The following PPP2R1B variants were observed in gnomAD, a reference collection of about 807,000 sequenced individuals.
The protein encoded by PPP2R1B is protein phosphatase 2 scaffold subunit Abeta, also known as serine/threonine-protein phosphatase 2A 65 kDa regulatory subunit A beta isoform.
In PPP2R1B, 58 loss-of-function variants were observed where a neutral mutation model predicts 72.7. The observed-to-expected ratio is 0.80, with a 90% CI of 0.65 to 0.99. The LOEUF (loss-of-function observed/expected upper bound fraction) is 0.99. PPP2R1B is among the 50% of genes least tolerant of loss of function. The pLI is 0.00. For missense variants in PPP2R1B, 695 were observed against 733.6 expected (o/e 0.95, Z 0.61); for synonymous variants, 256 against 264.6 (o/e 0.97, Z 0.32).
Position 111,753,546 on chromosome 11 carries a change from T to C in PPP2R1B, c.1061A>G (p.Lys354Arg), listed in dbSNP as rs115165302. 2,182 of 1,612,342 alleles carry C rather than the reference T, an allele frequency of 1.4e-3. 2 individuals carry two copies. The highest frequency in any genetic ancestry group is 1.6e-3 in the Non-Finnish European group (1,881 of 1,179,162). The change falls in exon 9 of 15, where the codon AAA (lysine) becomes AGA (arginine). Residue 354 changes from lysine (K) to arginine (R), a missense_variant. Lys to Arg is a conservative substitution (Grantham distance 26). Coordinates refer to ENST00000527614, the MANE Select transcript of PPP2R1B (RefSeq NM_002716.5). ...CATAATTACAGAAGCTAGAGCCGAT[T>C]TGACATGTTGATTGGTATCGGATAC... ...ELVSDTNQHV[K>R]SALASVIMGL...
chr11:111,711,448 G>A, the PPP2R1B span, among the ~76,000 whole-genome samples: 26 of 152,334 alleles, frequency 1.7e-4, no homozygotes, highest in African/African-American at 6.3e-4. Flanking sequence ...AGAAGCATTT[G>A]TAATGCTTGT....
At chr11:111,723,542 G>A (rs779289996), downstream of PPP2R1B, 7 of 1,613,948 alleles carry the variant, frequency 4.3e-6, no homozygotes, top group Non-Finnish European at 5.9e-6. Flanking sequence ...TCAACTGCAG[G>A]CCTATTTTAA....
the PPP2R1B span, chr11:111,704,924 A>G: frequency 6.7e-7 from 1 of 1,484,614 alleles, no homozygotes; most frequent in Non-Finnish European, 9.0e-7. Context: ...TTTTTTAGGC[A>G]TGTGTAGATC....
chr11:111,710,389 GCTA>G, the PPP2R1B span, among the ~76,000 whole-genome samples: 4 of 152,068 alleles, frequency 2.6e-5, no homozygotes, highest in African/African-American at 9.7e-5. Flanking sequence ...CTTTGCTAAT[GCTA>G]CTTTATCTTA....
At chr11:111,727,024 C>G (rs1213373873) in exon 16 of PPP2R1B, 2 of 1,614,130 alleles carry the variant, frequency 1.2e-6, no homozygotes, top group South Asian at 2.2e-5. Flanking sequence ...GCAAGTGTGT[C>G]TCTAGTATCT....
rs934183644 is a variant in PPP2R1B at position 111,737,917 on chromosome 11, C to A, written c.*3679G>T. ...CAGTTTAAGAGAACAACTCTGGAGA[C>A]AGAAATGGCTTGGCTTTCCGACGCA... is the stretch of plus-strand genomic sequence containing the variant. On this transcript the variant is annotated 3_prime_UTR_variant, in exon 15 of 15. Transcript: ENST00000527614. 24 of 1,054,130 alleles carry A rather than the reference C, an allele frequency of 2.3e-5. No individual in the cohort carries two copies. In the African/African-American group the frequency reaches 4.0e-4, roughly 17 times the overall value. 65.3% of individuals were successfully genotyped at this position (1,054,130 alleles called of 1,614,324 possible).
chr11:111,721,051 A>G, the PPP2R1B span: 6 of 1,613,326 alleles, frequency 3.7e-6, no homozygotes, highest in Admixed American at 1.0e-4. Flanking sequence ...CCTTGCTAGC[A>G]GCTGCCCTCA....
the PPP2R1B span, among the ~76,000 whole-genome samples, chr11:111,702,676 G>A: frequency 0.032 from 4,816 of 152,284 alleles, 243 homozygotes; most frequent in African/African-American, 0.11. Flanking sequence ...CATCATGTCA[G>A]CTCAGAGAAT....
the PPP2R1B span, chr11:111,719,720 AT>A: frequency 1.3e-6 from 2 of 1,539,672 alleles, no homozygotes; most frequent in Non-Finnish European, 8.8e-7. Flanking sequence ...TCCTTTGTGG[AT>A]TTTTCTGTCT....
the PPP2R1B span, among the ~76,000 whole-genome samples, chr11:111,717,664 TC>T: frequency 6.6e-6 from 1 of 152,246 alleles, no homozygotes; most frequent in East Asian, 1.9e-4. Context: ...GCAGCTCTAT[TC>T]ACAACAGCAA....
chr11:111,748,112 A>G, intron 10 of PPP2R1B, 98 bp from the exon 11 acceptor site: 4 of 1,058,022 alleles, frequency 3.8e-6, no homozygotes, highest in Non-Finnish European at 5.5e-6. Flanking sequence ...GGCTAAAAAA[A>G]CTTGTTTCCA....
Position 111,738,625 on chromosome 11 carries a change from C to T in PPP2R1B, c.*2971G>A. The T allele has an allele frequency of 1.0e-6, 1 of 985,444 alleles. No individual in the cohort carries two copies. Among genetic ancestry groups the T allele is most frequent in the Non-Finnish European group, 1.2e-6 (1 of 829,944 alleles). The allele number at this position is 985,444 out of a possible 1,614,324, so 61.0% of individuals were successfully genotyped here. A position where few individuals can be genotyped will look rare whatever the true frequency, so the allele number is the denominator to read the frequency against. On this transcript the variant is annotated 3_prime_UTR_variant, in exon 15 of 15. Coordinates refer to ENST00000527614, the MANE Select transcript of PPP2R1B (RefSeq NM_002716.5). ...CCCCTGGGGCTCTGCATCACAGTGG[C>T]TGAGCTGTGGTATTTCTGTGAGCTG...
chr11:111,746,545 G>C (rs910858156), intron 11 of PPP2R1B, among the ~76,000 whole-genome samples: 1 of 152,036 alleles, frequency 6.6e-6, no homozygotes, highest in African/African-American at 2.4e-5. Context: ...AAACCTAGAC[G>C]ACAGGTTGAT....
chr11:111,739,296 T>C lies in PPP2R1B; in HGVS notation c.*2300A>G. 4 of 977,420 alleles carry C rather than the reference T, an allele frequency of 4.1e-6. No homozygotes were observed. Among genetic ancestry groups the C allele is most frequent in the Non-Finnish European group, 4.9e-6 (4 of 822,870 alleles). The allele number at this position is 977,420 out of a possible 1,614,324, so 60.5% of individuals were successfully genotyped here. A position where few individuals can be genotyped will look rare whatever the true frequency, so the allele number is the denominator to read the frequency against. ...AGCCTTACAGAGCTCCTAAAGCCTATATTCCAGTGAAATCAAGATAGGAGA... is the reference window on the plus strand; with the variant it reads ...AGCCTTACAGAGCTCCTAAAGCCTACATTCCAGTGAAATCAAGATAGGAGA... On this transcript the variant is annotated 3_prime_UTR_variant, in exon 15 of 15. Transcript: ENST00000527614.
the PPP2R1B span, among the ~76,000 whole-genome samples, chr11:111,691,918 C>CA: frequency 6.6e-6 from 1 of 152,084 alleles, no homozygotes; most frequent in Non-Finnish European, 1.5e-5. Context: ...TAATATAACA[C>CA]AAAAAGATCA....
downstream of PPP2R1B, chr11:111,726,832 C>T (rs757907006): frequency 7.6e-5 from 58 of 759,934 alleles, no homozygotes; most frequent in Non-Finnish European, 1.2e-4. Flanking sequence ...TCATCATCAG[C>T]TTCATCACCC....
chr11:111,741,323 G>A lies in PPP2R1B; in HGVS notation c.*273C>T. ...CCACAGTGAGGATGCAGGAGCCCAG[G>A]TGGTGATGGATAAAGCATTAGGAGA... is the stretch of plus-strand genomic sequence containing the variant. On this transcript the variant is annotated 3_prime_UTR_variant, in exon 15 of 15. Transcript: ENST00000527614. The A allele has an allele frequency of 3.2e-6, 4 of 1,248,190 alleles. No individual in the cohort carries two copies. Among genetic ancestry groups the A allele is most frequent in the Non-Finnish European group, 4.0e-6 (4 of 993,376 alleles). 77.3% of individuals were successfully genotyped at this position (1,248,190 alleles called of 1,614,324 possible). A position where few individuals can be genotyped will look rare whatever the true frequency, so the allele number is the denominator to read the frequency against.
intron 10 of PPP2R1B, among the ~76,000 whole-genome samples, chr11:111,748,804 A>G (rs1290918852): frequency 6.6e-6 from 1 of 152,194 alleles, no homozygotes; most frequent in African/African-American, 2.4e-5. Flanking sequence ...AAGAGAGGTA[A>G]TATAATGTGT....
chr11:111,698,571 G>C, the PPP2R1B span, among the ~76,000 whole-genome samples: 4 of 152,194 alleles, frequency 2.6e-5, no homozygotes, highest in Admixed American at 6.5e-5. Context: ...GCAAATCCCT[G>C]TCTCTACTAA....
Sources: gnomAD v4.1 joint callset for allele counts (sites outside exome capture counted in the v4.1 genomes callset) on GRCh38, gnomAD v4.1.1 for gene constraint, MANE v1.5 for transcripts, NCBI Gene and HGNC (gene_info 2026-07-23, HGNC 2026-07-21) for gene names.